RPS6KA1: variants seen among roughly 807,000 people sequenced by gnomAD.
The protein encoded by RPS6KA1 is ribosomal protein S6 kinase A1, also known as ribosomal protein S6 kinase alpha-1.
RPS6KA1 carries 48 observed loss-of-function variants against 91.3 expected under a neutral mutation model. The ratio of observed to expected loss-of-function variants is 0.53; its 90% CI spans 0.42 to 0.67. The LOEUF is 0.67. Ranked by LOEUF, RPS6KA1 falls within the 30% of genes least tolerant of loss-of-function variation. The pLI is 0.00. For missense variants in RPS6KA1, 719 were observed against 960.5 expected, an observed-to-expected ratio of 0.75 and a Z score of 3.32; for synonymous variants, 359 against 384.7, an observed-to-expected ratio of 0.93 and a Z score of 0.78.
chr1:26,572,242 G>A lies in RPS6KA1; in HGVS notation c.1896G>A (p.Gly632=), dbSNP rs756990926. ...PEEILTRIGS[G]KFTLSGGNWN... is the part of the protein sequence containing the mutation. ...AAATCCTAACCCGGATCGGCAGTGG[G>A]AAGTTTACCCTCAGTGGGGGAAATT... Residue 632 remains glycine (G), a synonymous_variant, in exon 20 of 22, where the codon GGG becomes GGA. Coordinates refer to ENST00000374168, the MANE Select transcript of RPS6KA1 (RefSeq NM_002953.4). 50 of 1,613,922 alleles carry A rather than the reference G, an allele frequency of 3.1e-5. No homozygotes were observed. The highest frequency in any genetic ancestry group is 4.2e-5 in the Non-Finnish European group (50 of 1,180,014).
Position 26,561,549 on chromosome 1 carries a change from G to A in RPS6KA1, c.1476G>A (p.Met492Ile). 1.2e-6 allele frequency: 2 copies of A among 1,614,156 alleles called. No homozygotes were observed. Among genetic ancestry groups the A allele is most frequent in the Non-Finnish European group, 1.7e-6 (2 of 1,180,018 alleles). The change falls in exon 17 of 22, where the codon ATG (methionine) becomes ATA (isoleucine). Residue 492 changes from methionine to isoleucine, a missense_variant. Transcript: ENST00000374168. The surrounding 1 kb of genome is among the most constrained non-coding windows in gnomAD (Gnocchi z 5.7). ...GKHVYLVTEL[M>I]RGGELLDKIL... ...ACGTGTACCTGGTGACAGAGCTGAT[G>A]CGGGGTGGGGAGCTGCTGGACAAGA... is the stretch of plus-strand genomic sequence containing the variant.
intron 1 of RPS6KA1, among the ~76,000 whole-genome samples, chr1:26,534,109 C>T (rs1312091339): frequency 6.6e-6 from 1 of 152,222 alleles, no homozygotes; most frequent in Non-Finnish European, 1.5e-5. Context: ...ACCCCTTCCT[C>T]CCCACCCTCA....
intron 11 of RPS6KA1, 117 bp from the exon 12 acceptor site, chr1:26,556,537 C>A: frequency 9.6e-7 from 1 of 1,044,950 alleles, no homozygotes. Context: ...TGAGTGAGCC[C>A]ATTTTCCCCT....
rs372558260 is a variant in RPS6KA1 at position 26,561,096 on chromosome 1, C to T, written c.1393C>T (p.Arg465Trp). 1 of 1,613,896 alleles carries T rather than the reference C, an allele frequency of 6.2e-7. No individual in the cohort carries two copies. The highest frequency in any genetic ancestry group is 8.5e-7 in the Non-Finnish European group (1 of 1,179,976). Residue 465 changes from arginine (R) to tryptophan (W), a missense_variant, in exon 16 of 22, where the codon CGG becomes TGG. By Grantham distance (101) the Arg-to-Trp change is moderately radical. Coordinates refer to ENST00000374168, the MANE Select transcript of RPS6KA1 (RefSeq NM_002953.4). This position sits in a 1 kb window ranked among gnomAD's most constrained non-coding sequence, Gnocchi z 5.7. ...DPSEEIEILL[R>W]YGQHPNIITL... ...TTCAGAAGAGATTGAGATTCTTCTG[C>T]GGTATGGCCAGCACCCCAACATCAT...
chr1:26,529,762 A>C lies in RPS6KA1; in HGVS notation c.-159A>C. 4 of 340,204 alleles carry C rather than the reference A, an allele frequency of 1.2e-5. No homozygotes were observed. Among genetic ancestry groups the C allele is most frequent in the African/African-American group, 2.2e-5 (1 of 44,662 alleles). 21.1% of individuals were successfully genotyped at this position (340,204 alleles called of 1,614,324 possible). A position where few individuals can be genotyped will look rare whatever the true frequency, so the allele number is the denominator to read the frequency against. ...CGGCGCCGGGTGACGGAGGGAGCCG[A>C]AGTGCTAGTGCCGCGGCGGCGGCGG... On this transcript the variant is annotated 5_prime_UTR_variant, in exon 1 of 22. Transcript: ENST00000374168. This position sits in a 1 kb window ranked among gnomAD's most constrained non-coding sequence, Gnocchi z 4.2.
chr1:26,553,263 A>G (rs2076069126), intron 6 of RPS6KA1, 128 bp from the exon 7 acceptor site: 2 of 624,274 alleles, frequency 3.2e-6, no homozygotes, highest in Non-Finnish European at 2.9e-6. Context: ...TGAGAAGGCT[A>G]TATGGCCTGG....
intron 1 of RPS6KA1, chr1:26,531,034 CCT>C (rs1412290401): frequency 5.6e-6 from 3 of 538,150 alleles, no homozygotes; most frequent in Non-Finnish European, 7.7e-6. Context: ...CCTCCTCTGC[CCT>C]CTCTTACCTA....
chr1:26,564,139 TAAAA>T (rs900103324), intron 17 of RPS6KA1, among the ~76,000 whole-genome samples: 2 of 151,578 alleles, frequency 1.3e-5, no homozygotes, highest in African/African-American at 4.8e-5. Context: ...AAAATAAAAA[TAAAA>T]AAAAGAAGGC....
intron 7 of RPS6KA1, chr1:26,553,913 T>C (rs2076075733): frequency 2.9e-6 from 1 of 340,064 alleles, no homozygotes; most frequent in Non-Finnish European, 5.4e-6. Flanking sequence ...CTCCACCTAC[T>C]AGCTAGACTT....
At chr1:26,546,128 T>A in intron 2 of RPS6KA1, 1 of 1,449,218 alleles carries the variant, frequency 6.9e-7, no homozygotes, top group Non-Finnish European at 9.4e-7. Flanking sequence ...CTTTGGGCTG[T>A]CCTGGCCCAG....
intron 17 of RPS6KA1, among the ~76,000 whole-genome samples, chr1:26,566,061 T>G (rs1050308644): frequency 3.3e-5 from 5 of 152,136 alleles, no homozygotes; most frequent in African/African-American, 1.2e-4. Flanking sequence ...TGTTGTGACA[T>G]TCTATCTGTT....
At chr1:26,557,806 CCCCTTCCCTCTCCTT>C (rs1170719800) in intron 13 of RPS6KA1, among the ~76,000 whole-genome samples, 4 of 135,788 alleles carry the variant, frequency 2.9e-5, no homozygotes, top group Non-Finnish European at 4.8e-5. Flanking sequence ...CCCCTCCCCT[CCCCTTCCCTCTCCTT>C]CCCTTCCCTC....
chr1:26,558,997 A>G lies in RPS6KA1; in HGVS notation c.1215+60A>G. On this transcript the variant is annotated intron_variant, in intron 14 of 21. Transcript: ENST00000374168. The surrounding 1 kb of genome is among the most constrained non-coding windows in gnomAD (Gnocchi z 4.0). ...TTTTCTAAAGAATGGCTGAGTACAC[A>G]GGCTCTGAGTTGGACAGAACCAGGT... 4 of 1,572,600 alleles carry G rather than the reference A, an allele frequency of 2.5e-6. No individual in the cohort carries two copies. The highest frequency in any genetic ancestry group is 3.5e-6 in the Non-Finnish European group (4 of 1,151,728).
Position 26,547,102 on chromosome 1 carries a change from G to T in RPS6KA1, c.226-87G>T, listed in dbSNP as rs995209043. 5 of 1,556,016 alleles carry T rather than the reference G, an allele frequency of 3.2e-6. No individual in the cohort carries two copies. The African/African-American group carries it at 6.8e-5, about 21-fold the overall frequency. On this transcript the variant is annotated intron_variant, in intron 3 of 21. Coordinates refer to ENST00000374168, the MANE Select transcript of RPS6KA1 (RefSeq NM_002953.4). This position sits in a 1 kb window ranked among gnomAD's most constrained non-coding sequence, Gnocchi z 4.1. ...CTTGGTACCCAGGGAGAGCAAAAAG[G>T]TCAGCTTGGGGCTCAGAGAAGATAG...
chr1:26,571,607 T>C lies in RPS6KA1; in HGVS notation c.1749T>C (p.Pro583=), dbSNP rs202239545. ...TPCYTANFVA[P]EVLKRQGYDE... ...GCTACACAGCCAACTTTGTGGCGCC[T>C]GAGGTGAGTGGCCCAGCCTCCTCAG... The change falls in exon 18 of 22, where the codon CCT becomes CCC. Residue 583 remains proline (P), a synonymous_variant. Transcript: ENST00000374168. The surrounding 1 kb of genome is among the most constrained non-coding windows in gnomAD (Gnocchi z 5.1). 1.1e-4 allele frequency: 178 copies of C among 1,613,948 alleles called. No individual in the cohort carries two copies. In the East Asian group the frequency reaches 3.5e-3, roughly 32 times the overall value.
At chr1:26,562,079 C>A (rs1435397251) in intron 17 of RPS6KA1, among the ~76,000 whole-genome samples, 1 of 152,120 alleles carries the variant, frequency 6.6e-6, no homozygotes, top group Non-Finnish European at 1.5e-5. Flanking sequence ...TGGGGGGCAT[C>A]TGTAATCTCA....
chr1:26,558,184 C>T lies in RPS6KA1; in HGVS notation c.1085-623C>T, dbSNP rs1386383381. On this transcript the variant is annotated intron_variant, in intron 13 of 21. Transcript: ENST00000374168. This position sits in a 1 kb window ranked among gnomAD's most constrained non-coding sequence, Gnocchi z 4.0. The stretch of plus-strand genomic sequence containing the variant: ...GTGCAGCTTCGTAGGAGTCAGGGGC[C>T]GGAGGAGCAGCATCAGGCAAGGCTT... 2.0e-5 allele frequency among the ~76,000 whole-genome samples: 3 copies of T among 152,042 alleles called. No individual in the cohort carries two copies. Among genetic ancestry groups the T allele is most frequent in the Admixed American group, 6.6e-5 (1 of 15,262 alleles).
chr1:26,574,115 T>G lies in RPS6KA1; in HGVS notation c.2122T>G (p.Ser708Ala), dbSNP rs1483158021. The change falls in exon 22 of 22, where the codon TCC (serine) becomes GCC (alanine). Residue 708 changes from serine (S) to alanine (A), a missense_variant. By Grantham distance (99) the Ser-to-Ala change is moderately conservative. This residue lies in a region of RPS6KA1 where 249 missense variants were observed against 323.1 expected (regional missense o/e 0.77). Coordinates refer to ENST00000374168, the MANE Select transcript of RPS6KA1 (RefSeq NM_002953.4). The surrounding 1 kb of genome is among the most constrained non-coding windows in gnomAD (Gnocchi z 4.3). Reference protein sequence around the residue: ...MAATYSALNSSKPTPQLKPIE... With the variant: ...MAATYSALNSAKPTPQLKPIE... ...TGCCACGTACTCCGCACTCAACAGC[T>G]CCAAGCCCACCCCCCAGCTGAAGCC... 4 of 1,613,978 alleles carry G rather than the reference T, an allele frequency of 2.5e-6. No individual in the cohort carries two copies. Among genetic ancestry groups the G allele is most frequent in the East Asian group, 2.2e-5 (1 of 44,856 alleles).
chr1:26,535,164 C>T (rs2075897159), intron 1 of RPS6KA1, among the ~76,000 whole-genome samples: 1 of 152,114 alleles, frequency 6.6e-6, no homozygotes, highest in Admixed American at 6.5e-5. Context: ...CAACCCATCC[C>T]TTCTCCCCAG....
Sources: gnomAD v4.1 joint callset for allele counts (sites outside exome capture counted in the v4.1 genomes callset) on GRCh38, gnomAD v4.1.1 for gene constraint, gnomAD v4.1.1 regional missense constraint, Gnocchi (gnomAD v3.1) non-coding constraint, MANE v1.5 for transcripts, NCBI Gene and HGNC (gene_info 2026-07-23, HGNC 2026-07-21) for gene names.